The following GRM3 variants were observed in gnomAD, a reference collection of about 807,000 sequenced individuals.
GRM3 encodes glutamate metabotropic receptor 3.
Under a neutral mutation model 70.5 loss-of-function variants are expected in GRM3, and 26 were observed. The ratio of observed to expected loss-of-function variants is 0.37; its 90% CI spans 0.27 to 0.51. GRM3 has a LOEUF of 0.51. Ranked by LOEUF, GRM3 falls within the 20% of genes least tolerant of loss-of-function variation. The pLI, the probability that GRM3 is intolerant of heterozygous loss-of-function variation, is 0.93. For synonymous variants in GRM3, 443 were observed against 434.9 expected, an observed-to-expected ratio of 1.02 and a Z score of -0.23; for missense variants, 859 against 1,123.8, an observed-to-expected ratio of 0.76 and a Z score of 3.37.
At chr7:86,732,799 C>A (rs914759070) in intron 1 of GRM3, among the ~76,000 whole-genome samples, 4 of 152,126 alleles carry the variant, frequency 2.6e-5, no homozygotes, top group Non-Finnish European at 5.9e-5. Context: ...TCTGGAATAT[C>A]ATTTATTTCA....
chr7:86,823,609 G>T (rs866364609), intron 3 of GRM3, among the ~76,000 whole-genome samples: 3 of 116,296 alleles, frequency 2.6e-5, no homozygotes, highest in Non-Finnish European at 3.5e-5. Context: ...TTTTTTTGGC[G>T]GGGGGGGATT....
intron 1 of GRM3, among the ~76,000 whole-genome samples, chr7:86,741,323 A>T (rs1795986300): frequency 6.6e-6 from 1 of 152,158 alleles, no homozygotes; most frequent in Non-Finnish European, 1.5e-5. Context: ...TCTAAAAAAC[A>T]TTCAGTTTAT....
chr7:86,776,694 T>C (rs1025134355), intron 2 of GRM3, among the ~76,000 whole-genome samples: 2 of 152,148 alleles, frequency 1.3e-5, no homozygotes, highest in African/African-American at 2.4e-5. Flanking sequence ...CAGAAAAATA[T>C]AGATTAGCTC....
chr7:86,696,728 G>C (rs1794827472), intron 1 of GRM3, among the ~76,000 whole-genome samples: 2 of 152,132 alleles, frequency 1.3e-5, no homozygotes, highest in African/African-American at 4.8e-5. Flanking sequence ...GGTAGCGGTG[G>C]TAGCAGTGGT....
chr7:86,817,323 C>T (rs958270792), intron 3 of GRM3, among the ~76,000 whole-genome samples: 1 of 151,952 alleles, frequency 6.6e-6, no homozygotes, highest in Non-Finnish European at 1.5e-5. Flanking sequence ...CCATTATCAT[C>T]TCTGCTGTAT....
At chr7:86,704,863 T>G (rs577597695) in intron 1 of GRM3, among the ~76,000 whole-genome samples, 1 of 151,948 alleles carries the variant, frequency 6.6e-6, no homozygotes, top group Non-Finnish European at 1.5e-5. Context: ...TTTTTCTTTA[T>G]ATTCTCAAAG....
Position 86,847,593 on chromosome 7 carries a change from C to G in GRM3, c.2392-2777C>G, listed in dbSNP as rs146830733. Among the ~76,000 whole-genome samples the G allele has an allele frequency of 3.9e-5, 6 of 152,192 alleles. No individual in the cohort carries two copies. In the East Asian group the frequency reaches 1.2e-3, roughly 29 times the overall value. On this transcript the variant is annotated intron_variant, in intron 4 of 5. Coordinates refer to ENST00000361669, the MANE Select transcript of GRM3 (RefSeq NM_000840.3). The stretch of plus-strand genomic sequence containing the variant: ...TGAAGAAAGAGAGTCCACAACTAAG[C>G]TCTGGGGAACTCCAGCACTTAAAGT...
At chr7:86,840,016 A>G in intron 4 of GRM3, 111 bp downstream of exon 4, 1 of 668,176 alleles carries the variant, frequency 1.5e-6, no homozygotes. Context: ...GGTAATTTCA[A>G]ATGCCATGAT....
intron 1 of GRM3, among the ~76,000 whole-genome samples, chr7:86,675,180 T>C (rs2115928420): frequency 6.6e-6 from 1 of 152,220 alleles, no homozygotes; most frequent in Non-Finnish European, 1.5e-5. Flanking sequence ...ATTTCATGTT[T>C]AGGGCTTCTT....
chr7:86,784,760 G>A (rs1207602596), intron 2 of GRM3: 1 of 152,126 alleles, frequency 6.6e-6, no homozygotes, highest in Non-Finnish European at 1.5e-5. Context: ...AGAAAGATTT[G>A]GGGTTTTAAT....
chr7:86,752,681 G>A (rs1401124411), intron 1 of GRM3, among the ~76,000 whole-genome samples: 1 of 152,062 alleles, frequency 6.6e-6, no homozygotes, highest in Admixed American at 6.6e-5. Context: ...ACTAATAAGT[G>A]TTATAGAGGA....
chr7:86,812,445 A>G (rs1347396494), intron 3 of GRM3, among the ~76,000 whole-genome samples: 1 of 151,880 alleles, frequency 6.6e-6, no homozygotes, highest in Non-Finnish European at 1.5e-5. Flanking sequence ...CTACAGAATC[A>G]GTATTAGTTC....
At chr7:86,829,912 TAAAAC>T (rs770094600) in intron 3 of GRM3, among the ~76,000 whole-genome samples, 4 of 152,060 alleles carry the variant, frequency 2.6e-5, no homozygotes, top group African/African-American at 4.8e-5. Flanking sequence ...TTCCAATTTG[TAAAAC>T]AAAACAAAAA....
intron 3 of GRM3, among the ~76,000 whole-genome samples, chr7:86,819,010 C>T (rs1351572210): frequency 6.6e-6 from 1 of 152,058 alleles, no homozygotes; most frequent in Non-Finnish European, 1.5e-5. Context: ...AACAGTGAAC[C>T]TCTAACTTCC....
At position 86,792,485 on chromosome 7, in the gene GRM3, C is replaced by A. The variant is rs1011933576; in HGVS notation, c.1324+5369C>A. Among the ~76,000 whole-genome samples the A allele has an allele frequency of 1.2e-4, 18 of 152,174 alleles. 1 individual carries two copies. The highest frequency in any genetic ancestry group is 4.1e-4 in the South Asian group (2 of 4,834). ...ATAACATTTATGCCATTCCTCTCTGCAATTCTTAGGGTTAGGCTAAACTGT... is the reference window on the plus strand; with the variant it reads ...ATAACATTTATGCCATTCCTCTCTGAAATTCTTAGGGTTAGGCTAAACTGT... On this transcript the variant is annotated intron_variant, in intron 3 of 5. Transcript: ENST00000361669.
chr7:86,847,986 G>A (rs904124840), intron 4 of GRM3, among the ~76,000 whole-genome samples: 1 of 152,140 alleles, frequency 6.6e-6, no homozygotes, highest in Non-Finnish European at 1.5e-5. Flanking sequence ...TATTTAGCAA[G>A]GGTAATCATC....
rs1341517771 is a variant in GRM3 at position 86,706,116 on chromosome 7, T to A, written c.-140-58890T>A. Among the ~76,000 whole-genome samples the A allele has an allele frequency of 2.1e-5, 3 of 145,694 alleles. No homozygotes were observed. The East Asian group carries it at 5.9e-4, about 29-fold the overall frequency. On this transcript the variant is annotated intron_variant, in intron 1 of 5. Transcript: ENST00000361669. ...AATTCTAAGGATAAATGAAAATTAC[T>A]AAGAGACACAATTTATAATGAATTC...
intron 3 of GRM3, among the ~76,000 whole-genome samples, chr7:86,828,111 CAAAAA>C (rs55645713): frequency 2.3e-4 from 16 of 68,290 alleles, no homozygotes; most frequent in Admixed American, 1.7e-3. Context: ...AACTCCGTAT[CAAAAA>C]AAAAAAAAAA....
intron 1 of GRM3, among the ~76,000 whole-genome samples, chr7:86,673,146 CA>C (rs1794215301): frequency 6.6e-6 from 1 of 152,078 alleles, no homozygotes; most frequent in Admixed American, 6.6e-5. Flanking sequence ...TCACTTACAT[CA>C]AAGGCATGAC....
Sources: allele counts gnomAD v4.1 joint callset (sites outside exome capture counted in the v4.1 genomes callset), GRCh38; gene constraint gnomAD v4.1.1; transcripts MANE v1.5; gene names NCBI Gene and HGNC (gene_info 2026-07-23, HGNC 2026-07-21).